The following RAB6B variants were observed in gnomAD, a reference collection of about 807,000 sequenced individuals.
The protein encoded by RAB6B is RAB6B, member RAS oncogene family, also known as ras-related protein Rab-6B.
RAB6B carries 7 observed loss-of-function variants against 31.2 expected under a neutral mutation model. The observed-to-expected ratio is 0.22, with a 90% CI of 0.13 to 0.42. The LOEUF (loss-of-function observed/expected upper bound fraction) is 0.42. RAB6B is among the 10% of genes least tolerant of loss of function. The pLI, the probability that RAB6B is intolerant of heterozygous loss-of-function variation, is 1.00. For synonymous variants in RAB6B, 105 were observed against 104.9 expected (o/e 1.00, Z -0.01); for missense variants, 149 against 280.6 (o/e 0.53, Z 3.35).
At chr3:133,851,694 G>A (rs1236522769) in intron 2 of RAB6B, among the ~76,000 whole-genome samples, 4 of 152,202 alleles carry the variant, frequency 2.6e-5, no homozygotes, top group Admixed American at 6.5e-5. Flanking sequence ...TGGCTTGCAC[G>A]ACTGGGAACA....
chr3:133,880,737 C>T lies in RAB6B; in HGVS notation c.70+14660G>A, dbSNP rs372904841. ...TTCTACTTTGCCAAGGAGGAGGGCA[C>T]AGGCCCTGCCCCTGCCCCTGCAGAG... On this transcript the variant is annotated intron_variant, in intron 1 of 7. Transcript: ENST00000285208. Among the ~76,000 whole-genome samples the T allele has an allele frequency of 3.4e-4, 49 of 142,354 alleles. 1 individual carries two copies. In the East Asian group the frequency reaches 9.7e-3, roughly 28 times the overall value. 93.4% of individuals were successfully genotyped at this position (142,354 alleles called of 152,430 possible).
Position 133,873,042 on chromosome 3 carries a change from C to T in RAB6B, c.71-8400G>A, listed in dbSNP as rs997761265. Among the ~76,000 whole-genome samples the T allele has an allele frequency of 1.1e-4, 16 of 152,274 alleles. No homozygotes were observed. In the East Asian group the frequency reaches 1.2e-3, roughly 11 times the overall value. ...GACCCTCTCACTTCTCCACTGAGTG[C>T]CCCGTCTCACTATCCTGCACCCACC... On this transcript the variant is annotated intron_variant, in intron 1 of 7. Transcript: ENST00000285208.
At chr3:133,861,512 G>A (rs947636397) in intron 2 of RAB6B, among the ~76,000 whole-genome samples, 2 of 152,156 alleles carry the variant, frequency 1.3e-5, no homozygotes, top group Non-Finnish European at 2.9e-5. Context: ...AGGTCCTCAT[G>A]CCAGCCCCTC....
intron 2 of RAB6B, among the ~76,000 whole-genome samples, chr3:133,852,627 C>G (rs936558676): frequency 6.6e-6 from 1 of 151,952 alleles, no homozygotes; most frequent in Non-Finnish European, 1.5e-5. Flanking sequence ...TGTGCCACCA[C>G]GCCCAGCTAA....
intron 1 of RAB6B, chr3:133,894,795 GT>G (rs1936684308): frequency 6.6e-6 from 1 of 152,404 alleles, no homozygotes; most frequent in African/African-American, 2.4e-5. Flanking sequence ...TAGGCTCCCC[GT>G]TCCCCCATGG....
chr3:133,851,697 T>A (rs1488969010), intron 2 of RAB6B, among the ~76,000 whole-genome samples: 1 of 152,174 alleles, frequency 6.6e-6, no homozygotes, highest in Non-Finnish European at 1.5e-5. Flanking sequence ...CTTGCACGAC[T>A]GGGAACACTA....
At chr3:133,864,490 C>T (rs1205369936) in intron 2 of RAB6B, 94 bp downstream of exon 2, 2 of 1,291,996 alleles carry the variant, frequency 1.5e-6, no homozygotes, top group Non-Finnish European at 2.3e-6. Context: ...GCCTGGGAAC[C>T]CAGGGCCATT....
At chr3:133,870,053 T>A (rs1288020083) in intron 1 of RAB6B, among the ~76,000 whole-genome samples, 2 of 152,196 alleles carry the variant, frequency 1.3e-5, no homozygotes, top group East Asian at 3.9e-4. Flanking sequence ...AACATGTTAG[T>A]CCATTCTCAC....
chr3:133,877,780 A>G (rs961965429), intron 1 of RAB6B, among the ~76,000 whole-genome samples: 1 of 148,508 alleles, frequency 6.7e-6, no homozygotes, highest in South Asian at 2.1e-4. Context: ...TATATAACTT[A>G]GTTATTATAT....
At chr3:133,830,010 T>C (rs929687136) in intron 7 of RAB6B, among the ~76,000 whole-genome samples, 6 of 152,216 alleles carry the variant, frequency 3.9e-5, no homozygotes, top group Non-Finnish European at 2.9e-5. Context: ...AGTAAATAGA[T>C]ACTAAGCCAG....
At chr3:133,853,182 T>C (rs1936026267) in intron 2 of RAB6B, among the ~76,000 whole-genome samples, 2 of 152,116 alleles carry the variant, frequency 1.3e-5, no homozygotes, top group African/African-American at 4.8e-5. Context: ...AGGGTACATT[T>C]CATCTCAAAG....
In RAB6B at chr3:133,839,462, G is replaced by A. The variant is rs562339460; in HGVS notation, c.401+44C>T. The A allele has an allele frequency of 9.4e-6, 14 of 1,485,388 alleles. No individual in the cohort carries two copies. In the South Asian group the frequency reaches 1.4e-4, roughly 14 times the overall value. 92.0% of individuals were successfully genotyped at this position (1,485,388 alleles called of 1,614,324 possible). ...CTCCCTGTCCAGGAGCAGTTACAGA[G>A]GAGTGGAGGGTGGCACCCTGCACCT... On this transcript the variant is annotated intron_variant, in intron 5 of 7. Coordinates refer to ENST00000285208, the MANE Select transcript of RAB6B (RefSeq NM_016577.4).
At chr3:133,834,479 G>A (rs556263458) in intron 7 of RAB6B, 96 bp downstream of exon 7, 133 of 1,340,710 alleles carry the variant, frequency 9.9e-5, no homozygotes, top group Non-Finnish European at 1.3e-4. Flanking sequence ...AAGGCTGGGC[G>A]GGGACTGGGC....
chr3:133,870,199 C>T (rs759409168), intron 1 of RAB6B, among the ~76,000 whole-genome samples: 53 of 152,172 alleles, frequency 3.5e-4, no homozygotes, highest in Non-Finnish European at 6.3e-4. Context: ...CAGGCACCTT[C>T]TTCACAAGGC....
intron 1 of RAB6B, among the ~76,000 whole-genome samples, chr3:133,868,519 G>A (rs756324321): frequency 3.9e-5 from 6 of 152,220 alleles, no homozygotes; most frequent in Non-Finnish European, 8.8e-5. Context: ...TGCTTCTACC[G>A]CAGCTCTCGG....
At chr3:133,876,033 A>G (rs73217258) in intron 1 of RAB6B, among the ~76,000 whole-genome samples, 1 of 152,158 alleles carries the variant, frequency 6.6e-6, no homozygotes, top group African/African-American at 2.4e-5. Flanking sequence ...TAAAGTAGCT[A>G]TGTATCAATA....
At chr3:133,857,264 A>G (rs770156819) in intron 2 of RAB6B, among the ~76,000 whole-genome samples, 21 of 152,206 alleles carry the variant, frequency 1.4e-4, no homozygotes, top group Non-Finnish European at 2.6e-4. Context: ...CTACTTCCAA[A>G]GTTTAAGGCC....
chr3:133,839,188 G>A (rs149398427), intron 5 of RAB6B, among the ~76,000 whole-genome samples: 14 of 152,386 alleles, frequency 9.2e-5, no homozygotes, highest in Non-Finnish European at 8.8e-5. Context: ...TGCTGTGTCT[G>A]GGGCAGGGCT....
At chr3:133,855,001 C>T (rs937270857) in intron 2 of RAB6B, among the ~76,000 whole-genome samples, 4 of 152,240 alleles carry the variant, frequency 2.6e-5, no homozygotes, top group South Asian at 2.1e-4. Context: ...AGGCATGTTA[C>T]GTGCGTCTTC....
Sources: allele counts gnomAD v4.1 joint callset (sites outside exome capture counted in the v4.1 genomes callset), GRCh38; gene constraint gnomAD v4.1.1; transcripts MANE v1.5; gene names NCBI Gene and HGNC (gene_info 2026-07-23, HGNC 2026-07-21).